SLC9A3: variants seen among roughly 807,000 people sequenced by gnomAD.
The protein encoded by SLC9A3 is sodium/hydrogen exchanger 3.
In SLC9A3, 37 loss-of-function variants were observed where a neutral mutation model predicts 86.8. That is an observed-to-expected ratio of 0.43 (90% CI 0.33 to 0.56). SLC9A3 has a LOEUF of 0.56. Among genes scored for constraint, SLC9A3 ranks in the 20% least tolerant of loss-of-function variants. SLC9A3 has a pLI of 0.06. For synonymous variants in SLC9A3, 581 were observed against 528.3 expected, an observed-to-expected ratio of 1.10 and a Z score of -1.37; for missense variants, 1,011 against 1,171.9, an observed-to-expected ratio of 0.86 and a Z score of 2.00.
intron 1 of SLC9A3, among the ~76,000 whole-genome samples, chr5:498,975 G>A (rs1740150885): frequency 6.6e-6 from 1 of 152,188 alleles, no homozygotes; most frequent in South Asian, 2.1e-4. Context: ...CTGAGGAGGT[G>A]CCAAGGCCAG....
intron 1 of SLC9A3, among the ~76,000 whole-genome samples, chr5:501,811 C>A (rs186324416): frequency 2.0e-5 from 3 of 152,354 alleles, no homozygotes; most frequent in Admixed American, 1.3e-4. Context: ...GTCCGCCGTG[C>A]GGCCTGGCAG....
rs781606113 is a variant in SLC9A3, at chr5:484,721, G to A, written c.755-24C>T. The A allele has an allele frequency of 4.3e-5, 69 of 1,608,578 alleles. 1 individual carries two copies. Among genetic ancestry groups the A allele is most frequent in the Middle Eastern group, 3.3e-4 (2 of 6,002 alleles). On this transcript the variant is annotated intron_variant, in intron 4 of 16. Coordinates refer to ENST00000264938, the MANE Select transcript of SLC9A3 (RefSeq NM_004174.4). ...CACTGGGTAGAGGACGCCCTTTGTG[G>A]CCGTGCCGGCCTTCCGGGCCCTTCC...
At chr5:492,903 T>C (rs10475270) in intron 1 of SLC9A3, among the ~76,000 whole-genome samples, 135,998 of 152,010 alleles carry the variant, frequency 0.89, 61,253 homozygotes, top group Non-Finnish European at 0.95. Context: ...CTGGGTGGGG[T>C]GTTCTAGGAA....
intron 1 of SLC9A3, among the ~76,000 whole-genome samples, chr5:505,924 T>A (rs983347785): frequency 1.3e-5 from 2 of 148,418 alleles, no homozygotes; most frequent in Non-Finnish European, 3.0e-5. Flanking sequence ...CCCCTCACTT[T>A]GGGGTGGGGT....
At chr5:515,591 G>A (rs1733705865) in intron 1 of SLC9A3, among the ~76,000 whole-genome samples, 1 of 151,896 alleles carries the variant, frequency 6.6e-6, no homozygotes, top group Non-Finnish European at 1.5e-5. Context: ...CGGCCAGAGT[G>A]CAAGGACCAC....
At chr5:519,928 G>A (rs943337177) in intron 1 of SLC9A3, among the ~76,000 whole-genome samples, 3 of 152,312 alleles carry the variant, frequency 2.0e-5, no homozygotes, top group Non-Finnish European at 4.4e-5. Context: ...AGGCACTGCA[G>A]ACTCCAGATA....
intron 2 of SLC9A3, 75 bp from the exon 3 acceptor site, chr5:488,551 C>T: frequency 7.1e-7 from 1 of 1,406,644 alleles, no homozygotes; most frequent in Non-Finnish European, 9.4e-7. Context: ...GAGGCGCTCG[C>T]CTACGGGTCG....
intron 1 of SLC9A3, among the ~76,000 whole-genome samples, chr5:500,743 A>G (rs112653808): frequency 0.26 from 23,945 of 93,124 alleles, 2,978 homozygotes; most frequent in South Asian, 0.33. Flanking sequence ...GCTGGTGTGG[A>G]CGGGGTCAGT....
chr5:509,931 C>T (rs942079835), intron 1 of SLC9A3, among the ~76,000 whole-genome samples: 6 of 152,246 alleles, frequency 3.9e-5, no homozygotes, highest in Non-Finnish European at 8.8e-5. Context: ...GGCGTTGTCC[C>T]TCCTGCAGTC....
At chr5:522,752 AAAAG>A (rs1733920858) in intron 1 of SLC9A3, among the ~76,000 whole-genome samples, 1 of 151,914 alleles carries the variant, frequency 6.6e-6, no homozygotes, top group African/African-American at 2.4e-5. Context: ...AAAAAAAAAA[AAAAG>A]AAAAAAAAAG....
rs1740028784 is a variant in SLC9A3 at position 496,525 on chromosome 5, C to G, written c.212-4454G>C. ...CGTAAGCTGGAAAATCCAGCCTTTGCTTATGTCTTCAGCGGCAGGTAGATT... is the reference window on the plus strand; with the variant it reads ...CGTAAGCTGGAAAATCCAGCCTTTGGTTATGTCTTCAGCGGCAGGTAGATT... On this transcript the variant is annotated intron_variant, in intron 1 of 16. Transcript: ENST00000264938. The surrounding 1 kb of genome is among the most constrained non-coding windows in gnomAD (Gnocchi z 4.7). 6.6e-6 allele frequency among the ~76,000 whole-genome samples: 1 copy of G among 152,232 alleles called. No individual in the cohort carries two copies. Among genetic ancestry groups the G allele is most frequent in the Non-Finnish European group, 1.5e-5 (1 of 68,042 alleles).
chr5:488,200 G>A, intron 3 of SLC9A3, 116 bp downstream of exon 3: 1 of 1,166,530 alleles, frequency 8.6e-7, no homozygotes, highest in Non-Finnish European at 1.2e-6. Context: ...GCCCCCGGGA[G>A]GGGAGTTTGA....
intron 1 of SLC9A3, among the ~76,000 whole-genome samples, chr5:517,910 A>C (rs1490275146): frequency 2.0e-5 from 3 of 151,782 alleles, no homozygotes; most frequent in African/African-American, 7.3e-5. Context: ...CCCATCATCC[A>C]TCCATCCATC....
intron 1 of SLC9A3, among the ~76,000 whole-genome samples, chr5:499,693 C>T (rs1437317982): frequency 6.6e-6 from 1 of 152,264 alleles, no homozygotes; most frequent in East Asian, 1.9e-4. Context: ...GTCACTCCTG[C>T]TCCCTGGGGA....
intron 16 of SLC9A3, among the ~76,000 whole-genome samples, chr5:474,636 G>A (rs1439602181): frequency 3.8e-5 from 2 of 53,240 alleles, no homozygotes; most frequent in Non-Finnish European, 7.0e-5. Context: ...GAGAGAGACA[G>A]CGCGCGCGAG....
intron 15 of SLC9A3, 55 bp downstream of exon 15, chr5:475,506 T>TG (rs565173367): frequency 0.33 from 349,570 of 1,051,498 alleles, 64,439 homozygotes; most frequent in Non-Finnish European, 0.39. Flanking sequence ...AGCTCCCTCC[T>TG]GGGGCGGCAG....
Position 497,131 on chromosome 5 carries a change from TCAGAGAGA to T in SLC9A3, c.212-5068_212-5061del, listed in dbSNP as rs1368006422. Reference sequence around the variant, plus strand: ...TGCAACTCAGAAGGCCCTGCTAGCCTCAGAGAGACAGTCTTTCCACACAGATGTCTGTT... The same window carrying T: ...TGCAACTCAGAAGGCCCTGCTAGCCTCAGTCTTTCCACACAGATGTCTGTT... On this transcript the variant is annotated intron_variant, in intron 1 of 16. Coordinates refer to ENST00000264938, the MANE Select transcript of SLC9A3 (RefSeq NM_004174.4). This position sits in a 1 kb window ranked among gnomAD's most constrained non-coding sequence, Gnocchi z 5.4. Among the ~76,000 whole-genome samples, 1 of 152,118 alleles carries T rather than the reference TCAGAGAGA, an allele frequency of 6.6e-6. No homozygotes were observed. Among genetic ancestry groups the T allele is most frequent in the Non-Finnish European group, 1.5e-5 (1 of 68,008 alleles).
At chr5:477,575 C>T (rs943174306) in intron 10 of SLC9A3, 131 bp from the exon 11 acceptor site, 40 of 594,608 alleles carry the variant, frequency 6.7e-5, no homozygotes, top group Admixed American at 6.5e-4. Context: ...CCCGGGTTCA[C>T]GCCTCACAGC....
intron 2 of SLC9A3, 88 bp from the exon 3 acceptor site, chr5:488,564 G>A (rs192979353): frequency 4.5e-5 from 61 of 1,342,778 alleles, no homozygotes; most frequent in Admixed American, 2.1e-4. Context: ...ACGGGTCGGG[G>A]TTCGGAGCCC....
Sources: allele counts gnomAD v4.1 joint callset (sites outside exome capture counted in the v4.1 genomes callset), GRCh38; gene constraint gnomAD v4.1.1; non-coding constraint Gnocchi (gnomAD v3.1); transcripts MANE v1.5; gene names NCBI Gene and HGNC (gene_info 2026-07-23, HGNC 2026-07-21).